The following SPATA31H1 variants were observed in gnomAD, a reference collection of about 807,000 sequenced individuals.
SPATA31H1 encodes the protein SPATA31 subfamily H member 1, also known as spermatogenesis-associated protein 31H1.
At chr2:27,544,754 G>C in the SPATA31H1 span, among the ~76,000 whole-genome samples, 1 of 151,550 alleles carries the variant, frequency 6.6e-6, no homozygotes, top group African/African-American at 2.4e-5. Context: ...AGGCTGGTTG[G>C]TCAGGCTGGT....
chr2:27,579,635 G>A, the SPATA31H1 span: 5 of 1,614,116 alleles, frequency 3.1e-6, no homozygotes, highest in Non-Finnish European at 4.2e-6. Flanking sequence ...CATGTGCAGG[G>A]GGCCAGCTTC....
At chr2:27,541,156 G>A in the SPATA31H1 span, among the ~76,000 whole-genome samples, 6 of 150,888 alleles carry the variant, frequency 4.0e-5, no homozygotes. Flanking sequence ...GGAGGCCGAG[G>A]CTGGCGGATC....
chr2:27,582,373 G>C, the SPATA31H1 span: 5 of 1,614,084 alleles, frequency 3.1e-6, no homozygotes, highest in Non-Finnish European at 2.5e-6. Flanking sequence ...AGGAGCCGAC[G>C]CAGTCCCCTT....
chr2:27,581,728 G>C, the SPATA31H1 span: 4 of 1,605,104 alleles, frequency 2.5e-6, no homozygotes, highest in Non-Finnish European at 3.4e-6. Context: ...AGAAGCCATC[G>C]CAGTCCCGCT....
At chr2:27,568,042 T>C in the SPATA31H1 span, 2 of 399,004 alleles carry the variant, frequency 5.0e-6, no homozygotes, top group East Asian at 7.1e-5. Flanking sequence ...CACCAAGTTA[T>C]GGAATCAGAG....
At chr2:27,556,072 C>T in the SPATA31H1 span, among the ~76,000 whole-genome samples, 1 of 142,366 alleles carries the variant, frequency 7.0e-6, no homozygotes, top group East Asian at 2.1e-4. Context: ...GCGGAGGTTG[C>T]AGTGAGCCGA....
chr2:27,541,013 G>C, the SPATA31H1 span, among the ~76,000 whole-genome samples: 898 of 138,770 alleles, frequency 6.5e-3, 16 homozygotes, highest in African/African-American at 0.024. Context: ...CTGCAATCTC[G>C]GCACTTTGGG....
At chr2:27,559,081 A>G in the SPATA31H1 span, among the ~76,000 whole-genome samples, 3 of 152,218 alleles carry the variant, frequency 2.0e-5, no homozygotes, top group Non-Finnish European at 4.4e-5. Context: ...CTTGTCTTCT[A>G]GTAAGCATGG....
the SPATA31H1 span, chr2:27,578,729 AGAAGAGTTACAAGTAGGGAC>A: frequency 1.2e-6 from 2 of 1,614,080 alleles, no homozygotes; most frequent in Non-Finnish European, 1.7e-6. Context: ...AGTTAACATC[AGAAGAGTTACAAGTAGGGAC>A]TGACTTCTCT....
At chr2:27,579,322 C>T in the SPATA31H1 span, 1 of 1,614,170 alleles carries the variant, frequency 6.2e-7, no homozygotes, top group Non-Finnish European at 8.5e-7. Context: ...GCAGAAAGAG[C>T]CACTGCAGAT....
the SPATA31H1 span, chr2:27,576,699 T>C: frequency 6.2e-7 from 1 of 1,614,136 alleles, no homozygotes; most frequent in Non-Finnish European, 8.5e-7. Flanking sequence ...AGGACCACTG[T>C]TGACTAGTGT....
chr2:27,542,297 T>C, the SPATA31H1 span, among the ~76,000 whole-genome samples: 1 of 151,758 alleles, frequency 6.6e-6, no homozygotes, highest in Non-Finnish European at 1.5e-5. Context: ...CTCAGGAGGC[T>C]GAGGCAGGAG....
the SPATA31H1 span, among the ~76,000 whole-genome samples, chr2:27,549,927 G>C: frequency 6.6e-6 from 1 of 152,046 alleles, no homozygotes; most frequent in Non-Finnish European, 1.5e-5. Flanking sequence ...AAGGTGCTGG[G>C]ATTACAGGCA....
the SPATA31H1 span, chr2:27,575,199 C>G: frequency 2.5e-6 from 1 of 398,534 alleles, no homozygotes. The surrounding 1 kb of genome is among the most constrained non-coding windows in gnomAD (Gnocchi z 4.1). Flanking sequence ...CCCAGAATTG[C>G]AGGTTGCAAA....
chr2:27,553,927 AAAAAG>A, the SPATA31H1 span, among the ~76,000 whole-genome samples: 2 of 152,032 alleles, frequency 1.3e-5, no homozygotes, highest in African/African-American at 2.4e-5. Flanking sequence ...TGTCTCAAAA[AAAAAG>A]AAAAGAAATC....
At chr2:27,578,698 G>C in the SPATA31H1 span, 2 of 1,614,116 alleles carry the variant, frequency 1.2e-6, no homozygotes, top group Non-Finnish European at 1.7e-6. Context: ...GGACACGTGT[G>C]TCAGAATAGG....
chr2:27,582,428 T>C, the SPATA31H1 span: 58 of 1,614,158 alleles, frequency 3.6e-5, no homozygotes, highest in Non-Finnish European at 4.3e-5. Flanking sequence ...GGCCCAGCCA[T>C]AGTTTGTCTA....
At chr2:27,543,290 G>A in the SPATA31H1 span, among the ~76,000 whole-genome samples, 242 of 151,894 alleles carry the variant, frequency 1.6e-3, 1 homozygote, top group Non-Finnish European at 2.6e-3. Context: ...CATTTTGTCC[G>A]TTTTTCATAA....
At chr2:27,540,490 A>C in the SPATA31H1 span, among the ~76,000 whole-genome samples, 17 of 81,520 alleles carry the variant, frequency 2.1e-4, no homozygotes, top group South Asian at 4.6e-4. Context: ...GGAGCCCCTC[A>C]CCTCCCGGAC....
Sources: allele counts gnomAD v4.1 joint callset (sites outside exome capture counted in the v4.1 genomes callset), GRCh38; gene constraint gnomAD v4.1.1; non-coding constraint Gnocchi (gnomAD v3.1); transcripts MANE v1.5; gene names NCBI Gene and HGNC (gene_info 2026-07-23, HGNC 2026-07-21).